The following URI1 variants were observed in gnomAD, a reference collection of about 807,000 sequenced individuals.
URI1 encodes the protein URI1 prefoldin like chaperone.
Under a neutral mutation model 60.2 loss-of-function variants are expected in URI1, and 39 were observed. The observed-to-expected ratio is 0.65, with a 90% CI of 0.50 to 0.85. The LOEUF (loss-of-function observed/expected upper bound fraction) is 0.85. Ranked by LOEUF, URI1 falls within the 40% of genes least tolerant of loss-of-function variation. The probability of loss-of-function intolerance (pLI) is 0.00; values close to 1 mark genes in which losing one functional copy is unlikely to be tolerated. For synonymous variants in URI1, 251 were observed against 236.8 expected, an observed-to-expected ratio of 1.06 and a Z score of -0.55; for missense variants, 691 against 665.9, an observed-to-expected ratio of 1.04 and a Z score of -0.42.
At position 29,942,589 on chromosome 19, in the gene URI1, C is replaced by G; in HGVS notation, c.42C>G (p.Pro14=). 1 of 1,431,394 alleles carries G rather than the reference C, an allele frequency of 7.0e-7. No individual in the cohort carries two copies. Among genetic ancestry groups the G allele is most frequent in the Non-Finnish European group, 9.1e-7 (1 of 1,096,102 alleles). 88.7% of individuals were successfully genotyped at this position (1,431,394 alleles called of 1,614,324 possible). The change falls in exon 1 of 11, where the codon CCC becomes CCG. Residue 14 remains proline (P), a synonymous_variant. Transcript: ENST00000392271. ...PTVETPPDPS[P]PSAPAPALVP... is the part of the protein sequence containing the mutation. ...TGGAGACGCCCCCCGACCCCTCGCC[C>G]CCTTCGGCCCCGGCCCCTGCCCTGG...
intron 1 of URI1, among the ~76,000 whole-genome samples, chr19:29,945,515 C>A (rs954214013): frequency 9.9e-5 from 15 of 152,218 alleles, no homozygotes; most frequent in Non-Finnish European, 1.6e-4. Context: ...CGGTTAGGAT[C>A]AAATATTTTA....
intron 4 of URI1, among the ~76,000 whole-genome samples, chr19:30,000,995 T>G (rs2055871353): frequency 6.6e-6 from 1 of 151,986 alleles, no homozygotes; most frequent in Non-Finnish European, 1.5e-5. Context: ...TTTTTGTTCT[T>G]TGGCTGTTTC....
chr19:29,947,413 CGT>C (rs1271623373), intron 1 of URI1, among the ~76,000 whole-genome samples: 1 of 152,166 alleles, frequency 6.6e-6, no homozygotes, highest in Admixed American at 6.5e-5. Flanking sequence ...TTTCTCATGG[CGT>C]GTTTGTGTCT....
intron 2 of URI1, among the ~76,000 whole-genome samples, chr19:29,980,779 G>C (rs1411992920): frequency 6.6e-6 from 1 of 151,256 alleles, no homozygotes; most frequent in South Asian, 2.1e-4. Context: ...AAAATTAGCC[G>C]GGTGCGGTGG....
intron 10 of URI1, among the ~76,000 whole-genome samples, chr19:30,013,088 A>C (rs2056043153): frequency 6.6e-6 from 1 of 152,260 alleles, no homozygotes; most frequent in South Asian, 2.1e-4. Context: ...CACACTTCTT[A>C]CAGTTTTTGG....
chr19:30,014,802 A>G (rs577066447), intron 10 of URI1, 85 bp from the exon 11 acceptor site: 5 of 1,352,346 alleles, frequency 3.7e-6, no homozygotes, highest in Non-Finnish European at 5.1e-6. Context: ...CTTTTAATGA[A>G]AAGAATTGCC....
At chr19:29,978,923 G>A (rs1055815601) in intron 2 of URI1, among the ~76,000 whole-genome samples, 3 of 152,074 alleles carry the variant, frequency 2.0e-5, no homozygotes, top group African/African-American at 7.2e-5. Context: ...TTAACCCGGA[G>A]GTATCTATGA....
chr19:29,998,744 T>C (rs1337567531), intron 4 of URI1, among the ~76,000 whole-genome samples: 2 of 152,172 alleles, frequency 1.3e-5, no homozygotes, highest in Non-Finnish European at 1.5e-5. Flanking sequence ...TTGGATCCTT[T>C]TTTTAAAACA....
At chr19:29,988,406 A>G (rs761809371) in intron 4 of URI1, among the ~76,000 whole-genome samples, 33 of 152,184 alleles carry the variant, frequency 2.2e-4, no homozygotes, top group Non-Finnish European at 4.6e-4. Context: ...AGCCAGCACC[A>G]CAGTCAGGAC....
chr19:29,932,410 G>A (rs1463620192), intron 1 of URI1, among the ~76,000 whole-genome samples: 2 of 151,918 alleles, frequency 1.3e-5, no homozygotes, highest in East Asian at 3.9e-4. Context: ...TCCGCCTCCC[G>A]GGCTCAAGTG....
Position 30,005,704 on chromosome 19 carries a change from T to A in URI1, c.513T>A (p.Phe171Leu). The change falls in exon 6 of 11, where the codon TTT becomes TTA. Residue 171 changes from phenylalanine to leucine, a missense_variant. By Grantham distance (22) the Phe-to-Leu change is conservative (BLOSUM62 0). Transcript: ENST00000392271. ...IREEIKCDFE[F>L]KAKHRIAHKP... is the part of the protein sequence containing the mutation. ...AAGAAATTAAATGTGACTTCGAATT[T>A]AAAGGTAAGCAGTAAGATTGTTTTA... The A allele has an allele frequency of 6.2e-7, 1 of 1,611,398 alleles. No homozygotes were observed. The highest frequency in any genetic ancestry group is 1.1e-5 in the South Asian group (1 of 90,644).
intron 4 of URI1, among the ~76,000 whole-genome samples, chr19:30,003,290 C>T (rs11880618): frequency 0.017 from 2,518 of 152,000 alleles, 75 homozygotes; most frequent in African/African-American, 0.058. Flanking sequence ...CTTAAATTTT[C>T]TGTATAGCTA....
chr19:29,976,357 G>T (rs1199130630), intron 2 of URI1, among the ~76,000 whole-genome samples: 2 of 152,178 alleles, frequency 1.3e-5, no homozygotes, highest in Non-Finnish European at 2.9e-5. Context: ...CCAGTTGGTG[G>T]CTGGGTCAGC....
rs145276289 is a variant in URI1 at position 30,011,231 on chromosome 19, T to C, written c.1173T>C (p.Ile391=). The C allele has an allele frequency of 8.2e-4, 1,309 of 1,605,756 alleles. 8 individuals carry two copies. The African/African-American group carries it at 0.015, about 19-fold the overall frequency. Reference sequence around the variant, plus strand: ...CGACCATCAGGACGCCTGCAGACATTTACAGGTGGGAGGCGCTCACAGCTG... The same window carrying C: ...CGACCATCAGGACGCCTGCAGACATCTACAGGTGGGAGGCGCTCACAGCTG... The part of the protein sequence containing the change: ...ELPTIRTPAD[I]YRAFVDVVNG... Residue 391 remains isoleucine, a synonymous_variant, in exon 9 of 11, where the codon ATT becomes ATC. Transcript: ENST00000392271.
intron 1 of URI1, chr19:29,923,845 C>G (rs1236376804): frequency 7.8e-7 from 1 of 1,289,484 alleles, no homozygotes; most frequent in Non-Finnish European, 1.1e-6. Context: ...GTCAGAGAAA[C>G]AGAATGAACA....
chr19:30,012,694 T>A, intron 10 of URI1, 163 bp downstream of exon 10: 2 of 830,682 alleles, frequency 2.4e-6, no homozygotes, highest in Non-Finnish European at 3.4e-6. Flanking sequence ...AATATTGTGA[T>A]AATCAAATAG....
intron 10 of URI1, chr19:30,014,280 T>G (rs994135175): frequency 6.6e-6 from 1 of 152,172 alleles, no homozygotes; most frequent in African/African-American, 2.4e-5. Flanking sequence ...TTGAGTTAAT[T>G]ATATTAAAAT....
intron 1 of URI1, among the ~76,000 whole-genome samples, chr19:29,966,698 A>G (rs1310149437): frequency 6.6e-6 from 1 of 152,216 alleles, no homozygotes; most frequent in African/African-American, 2.4e-5. Context: ...ATGTATGTCC[A>G]GTATCCATTG....
At chr19:29,983,617 C>A (rs4239559) in intron 2 of URI1, among the ~76,000 whole-genome samples, 121,658 of 152,120 alleles carry the variant, frequency 0.8, 50,177 homozygotes, top group Non-Finnish European at 0.9. Flanking sequence ...AAACTGACAA[C>A]ATCCTTCTGC....
Sources: gnomAD v4.1 joint callset for allele counts (sites outside exome capture counted in the v4.1 genomes callset) on GRCh38, gnomAD v4.1.1 for gene constraint, MANE v1.5 for transcripts, NCBI Gene and HGNC (gene_info 2026-07-23, HGNC 2026-07-21) for gene names.